The following SMCO4 variants were observed in gnomAD, a reference collection of about 807,000 sequenced individuals.
SMCO4 encodes the protein single-pass membrane protein with coiled-coil domains 4.
In SMCO4, 4 loss-of-function variants were observed where a neutral mutation model predicts 3.6. The observed-to-expected ratio is 1.11, with a 90% CI of 0.54 to 2.53. The LOEUF (loss-of-function observed/expected upper bound fraction) is 2.53, where lower values mean the gene tolerates loss of function less well. SMCO4 is among the 30% of genes most tolerant of loss of function. SMCO4 has a pLI of 0.02. For synonymous variants in SMCO4, 36 were observed against 35.3 expected (o/e 1.02, Z -0.07); for missense variants, 70 against 80.8 (o/e 0.87, Z 0.51).
chr11:93,485,122 T>C (rs1056943305), intron 2 of SMCO4, among the ~76,000 whole-genome samples: 2 of 152,224 alleles, frequency 1.3e-5, no homozygotes, highest in Admixed American at 6.5e-5. Flanking sequence ...CCTGTTTTCT[T>C]TTCTGTTTTA....
intron 1 of SMCO4, among the ~76,000 whole-genome samples, chr11:93,534,178 G>A (rs1361886153): frequency 1.4e-5 from 2 of 140,272 alleles, no homozygotes; most frequent in Non-Finnish European, 3.0e-5. Context: ...GCGACAAAAT[G>A]AGACTCCGTC....
upstream of SMCO4, among the ~76,000 whole-genome samples, chr11:93,547,637 A>C (rs1949323789): frequency 6.6e-6 from 1 of 152,250 alleles, no homozygotes; most frequent in Non-Finnish European, 1.5e-5. Context: ...TGGTGCATAC[A>C]GGAACTCAAT....
chr11:93,502,573 C>T (rs111802600), intron 1 of SMCO4, among the ~76,000 whole-genome samples: 2 of 152,190 alleles, frequency 1.3e-5, no homozygotes, highest in African/African-American at 4.8e-5. Flanking sequence ...ACAGGTATGG[C>T]CATGGTAAAA....
intron 2 of SMCO4, among the ~76,000 whole-genome samples, chr11:93,488,046 A>G (rs559004536): frequency 2.1e-4 from 32 of 152,266 alleles, no homozygotes; most frequent in Non-Finnish European, 3.7e-4. Context: ...GACAACTAAC[A>G]AATGGATAGA....
chr11:93,540,383 G>T, intron 1 of SMCO4, among the ~76,000 whole-genome samples: 1 of 152,148 alleles, frequency 6.6e-6, no homozygotes, highest in East Asian at 1.9e-4. Flanking sequence ...CAGGCAGCAG[G>T]TTCAGTATTT....
intron 1 of SMCO4, among the ~76,000 whole-genome samples, chr11:93,505,601 T>C (rs189718912): frequency 6.6e-6 from 1 of 152,322 alleles, no homozygotes; most frequent in Non-Finnish European, 1.5e-5. Flanking sequence ...TCACAAGTTA[T>C]TCAGCTTTGG....
chr11:93,538,118 C>T (rs555561375), intron 1 of SMCO4, among the ~76,000 whole-genome samples: 4 of 152,224 alleles, frequency 2.6e-5, no homozygotes, highest in Admixed American at 6.5e-5. Flanking sequence ...GGCAACAGTG[C>T]GTCCTACCGA....
chr11:93,486,634 C>T (rs1948653577), intron 2 of SMCO4, among the ~76,000 whole-genome samples: 1 of 152,192 alleles, frequency 6.6e-6, no homozygotes, highest in African/African-American at 2.4e-5. Flanking sequence ...GTGCAACTCT[C>T]TCCACCCACC....
At chr11:93,521,933 G>T (rs1041978627) in intron 1 of SMCO4, among the ~76,000 whole-genome samples, 7 of 152,156 alleles carry the variant, frequency 4.6e-5, no homozygotes, top group Non-Finnish European at 1.0e-4. Flanking sequence ...GCCTGGGAGG[G>T]ATGCACCTAC....
intron 1 of SMCO4, among the ~76,000 whole-genome samples, chr11:93,533,913 G>A (rs777341069): frequency 1.3e-5 from 2 of 152,126 alleles, no homozygotes; most frequent in Non-Finnish European, 2.9e-5. Context: ...TTAGCCAGGT[G>A]TGGTAGCTCA....
chr11:93,535,697 A>AT, intron 1 of SMCO4: 1 of 1,613,594 alleles, frequency 6.2e-7, no homozygotes, highest in Admixed American at 1.7e-5. Flanking sequence ...GAGGAAGTGA[A>AT]TAAGTTTCAG....
chr11:93,516,767 G>A (rs1949011405), intron 1 of SMCO4, among the ~76,000 whole-genome samples: 2 of 151,734 alleles, frequency 1.3e-5, no homozygotes, highest in South Asian at 4.2e-4. Flanking sequence ...TCCAGCCTGG[G>A]TGACAAAGCA....
At chr11:93,550,309 T>C in the SMCO4 span, among the ~76,000 whole-genome samples, 1 of 151,454 alleles carries the variant, frequency 6.6e-6, no homozygotes, top group South Asian at 2.1e-4. Context: ...TTTTGGGGGG[T>C]TTTGCTTGAG....
At chr11:93,507,661 G>A (rs185833939) in intron 1 of SMCO4, among the ~76,000 whole-genome samples, 5 of 152,282 alleles carry the variant, frequency 3.3e-5, no homozygotes, top group African/African-American at 1.2e-4. Context: ...ATTATGAAAA[G>A]TTCATTGATT....
At chr11:93,503,526 G>T (rs986578604) in intron 1 of SMCO4, among the ~76,000 whole-genome samples, 1 of 152,140 alleles carries the variant, frequency 6.6e-6, no homozygotes, top group Non-Finnish European at 1.5e-5. Context: ...GGTGGAAAAT[G>T]GTCTTTGTAG....
chr11:93,503,714 G>C (rs1450736044), intron 1 of SMCO4, among the ~76,000 whole-genome samples: 1 of 152,190 alleles, frequency 6.6e-6, no homozygotes, highest in Non-Finnish European at 1.5e-5. Flanking sequence ...AATGCTGGCA[G>C]CACCAAAGGC....
intron 1 of SMCO4, among the ~76,000 whole-genome samples, chr11:93,534,016 C>T (rs944009002): frequency 6.6e-6 from 1 of 151,790 alleles, no homozygotes; most frequent in Non-Finnish European, 1.5e-5. Flanking sequence ...CACAGTGAAA[C>T]CCCATCTCTA....
chr11:93,535,768 A>T, intron 1 of SMCO4: 1 of 1,607,122 alleles, frequency 6.2e-7, no homozygotes, highest in African/African-American at 1.4e-5. Context: ...AGACAAAAAG[A>T]ACAAAACTAA....
chr11:93,494,579 G>A (rs1300262035), intron 2 of SMCO4, among the ~76,000 whole-genome samples: 2 of 152,130 alleles, frequency 1.3e-5, no homozygotes, highest in African/African-American at 4.8e-5. Context: ...GCAACCCAGG[G>A]GAGTACAATC....
Sources: allele counts gnomAD v4.1 joint callset (sites outside exome capture counted in the v4.1 genomes callset), GRCh38; gene constraint gnomAD v4.1.1; transcripts MANE v1.5; gene names NCBI Gene and HGNC (gene_info 2026-07-23, HGNC 2026-07-21).